Variants in SPIDR observed in about 807,000 individuals in gnomAD.
SPIDR encodes DNA repair-scaffolding protein.
A neutral mutation model predicts 104.6 loss-of-function variants in SPIDR; 93 were observed. The ratio of observed to expected loss-of-function variants is 0.89; its 90% CI spans 0.75 to 1.06. The LOEUF (loss-of-function observed/expected upper bound fraction) is 1.06. Among genes scored for constraint, SPIDR ranks in the 50% least tolerant of loss-of-function variants. The pLI is 0.00. For missense variants in SPIDR, 1,154 were observed against 1,111.2 expected (o/e 1.04, Z -0.55); for synonymous variants, 431 against 416.9 (o/e 1.03, Z -0.41).
At chr8:47,671,924 G>A (rs192548552) in intron 10 of SPIDR, among the ~76,000 whole-genome samples, 2 of 152,078 alleles carry the variant, frequency 1.3e-5, no homozygotes, top group Admixed American at 1.3e-4. Context: ...TTTCCATTTC[G>A]TTGTCTTGCT....
intron 10 of SPIDR, among the ~76,000 whole-genome samples, chr8:47,617,232 G>A (rs966767108): frequency 6.6e-6 from 1 of 152,110 alleles, no homozygotes; most frequent in African/African-American, 2.4e-5. Context: ...AGAAAATTAA[G>A]CTATTTTTAA....
chr8:47,539,728 G>A (rs1424241225), intron 8 of SPIDR, among the ~76,000 whole-genome samples: 1 of 151,438 alleles, frequency 6.6e-6, no homozygotes, highest in Non-Finnish European at 1.5e-5. Context: ...ACAATCTTAA[G>A]GTCCTTCACT....
In SPIDR at chr8:47,473,887, C is replaced by G. The variant is rs1013318419; in HGVS notation, c.1097+33345C>G. Reference sequence around the variant, plus strand: ...CATGGTTCAGTGAATCATCCTACCCCAGCTAAGATACAAATGGTTGGAAAG... The same window carrying G: ...CATGGTTCAGTGAATCATCCTACCCGAGCTAAGATACAAATGGTTGGAAAG... On this transcript the variant is annotated intron_variant, in intron 8 of 19. Transcript: ENST00000297423. 2.6e-5 allele frequency among the ~76,000 whole-genome samples: 4 copies of G among 152,188 alleles called. No individual in the cohort carries two copies. The East Asian group carries it at 7.7e-4, about 29-fold the overall frequency.
At chr8:47,590,600 G>A (rs911636010) in intron 8 of SPIDR, among the ~76,000 whole-genome samples, 1 of 151,974 alleles carries the variant, frequency 6.6e-6, no homozygotes, top group African/African-American at 2.4e-5. Context: ...CATTTTGTGG[G>A]CACCTGAAAA....
intron 8 of SPIDR, among the ~76,000 whole-genome samples, chr8:47,518,782 G>T (rs891862256): frequency 6.6e-6 from 1 of 151,976 alleles, no homozygotes; most frequent in East Asian, 1.9e-4. Context: ...AACTACAGGC[G>T]CCTGCCACCA....
chr8:47,719,868 C>T (rs1872840), intron 16 of SPIDR, among the ~76,000 whole-genome samples: 68,984 of 152,078 alleles, frequency 0.45, 18,842 homozygotes, highest in East Asian at 0.65. Context: ...CCATGCCCCC[C>T]CACACCCAGG....
intron 8 of SPIDR, among the ~76,000 whole-genome samples, chr8:47,523,527 T>C (rs2084500259): frequency 6.6e-6 from 1 of 152,170 alleles, no homozygotes; most frequent in African/African-American, 2.4e-5. Context: ...TCAGAAGTCC[T>C]TCGATGTAGC....
At chr8:47,311,487 A>G (rs782164453) in intron 5 of SPIDR, among the ~76,000 whole-genome samples, 2 of 152,154 alleles carry the variant, frequency 1.3e-5, no homozygotes, top group African/African-American at 2.4e-5. Flanking sequence ...ATAAAATAAC[A>G]CTTAAGTACA....
rs866048260 is a variant in SPIDR, at chr8:47,497,316, G to A, written c.1097+56774G>A. 2.6e-5 allele frequency among the ~76,000 whole-genome samples: 4 copies of A among 152,042 alleles called. No individual in the cohort carries two copies. The South Asian group carries it at 6.2e-4, about 24-fold the overall frequency. On this transcript the variant is annotated intron_variant, in intron 8 of 19. Coordinates refer to ENST00000297423, the MANE Select transcript of SPIDR (RefSeq NM_001080394.4). ...GAAAGTTTTTGTTGATTTGAGGTCT[G>A]TCTTTTTTAATACAGTCATTCACAA...
chr8:47,420,439 C>G (rs1451276444), intron 7 of SPIDR, among the ~76,000 whole-genome samples: 1 of 151,980 alleles, frequency 6.6e-6, no homozygotes, highest in Non-Finnish European at 1.5e-5. Context: ...GATTGCAACC[C>G]CTGCCTTTTT....
chr8:47,450,318 G>C (rs1439097536), intron 8 of SPIDR, among the ~76,000 whole-genome samples: 1 of 152,140 alleles, frequency 6.6e-6, no homozygotes, highest in Non-Finnish European at 1.5e-5. Flanking sequence ...AGCCAAACTT[G>C]CTTTTATAAC....
chr8:47,499,388 A>G (rs78389669), intron 8 of SPIDR, among the ~76,000 whole-genome samples: 4,018 of 152,240 alleles, frequency 0.026, 290 homozygotes, highest in Admixed American at 0.15. Context: ...CCTCTAAAAT[A>G]TAGTTCCACC....
chr8:47,542,906 C>T lies in SPIDR; in HGVS notation c.1098-52905C>T, dbSNP rs185450748. 1.0e-3 allele frequency among the ~76,000 whole-genome samples: 157 copies of T among 152,302 alleles called. 2 individuals are homozygous for T. The Middle Eastern group carries it at 0.024, about 23-fold the overall frequency. On this transcript the variant is annotated intron_variant, in intron 8 of 19. Coordinates refer to ENST00000297423, the MANE Select transcript of SPIDR (RefSeq NM_001080394.4). ...TCTACTTTATGTTCTTATTATTTTG[C>T]ATTTCAATAATGCTATGGAAATGGA...
chr8:47,326,167 GTATT>G (rs1171302610), intron 5 of SPIDR, among the ~76,000 whole-genome samples: 1 of 152,080 alleles, frequency 6.6e-6, no homozygotes, highest in East Asian at 1.9e-4. Context: ...GCTCGTTTCT[GTATT>G]TATTTATTTA....
chr8:47,705,070 G>C (rs1303744621), intron 14 of SPIDR, among the ~76,000 whole-genome samples: 1 of 152,176 alleles, frequency 6.6e-6, no homozygotes, highest in African/African-American at 2.4e-5. Flanking sequence ...CGTGGCAGTT[G>C]CAGCTAACAC....
intron 11 of SPIDR, among the ~76,000 whole-genome samples, chr8:47,681,119 G>A (rs1288851431): frequency 6.6e-6 from 1 of 152,264 alleles, no homozygotes; most frequent in Non-Finnish European, 1.5e-5. Context: ...ACTGCTCAGA[G>A]CAGCAACAGT....
chr8:47,271,124 G>T (rs2035228206), intron 1 of SPIDR, among the ~76,000 whole-genome samples: 2 of 152,084 alleles, frequency 1.3e-5, no homozygotes, highest in Admixed American at 6.6e-5. Context: ...TTTTGTACAT[G>T]ACGTATATTT....
At chr8:47,306,252 G>T (rs2154251358) in intron 5 of SPIDR, among the ~76,000 whole-genome samples, 1 of 152,002 alleles carries the variant, frequency 6.6e-6, no homozygotes, top group Non-Finnish European at 1.5e-5. Flanking sequence ...AGTGATTGTT[G>T]TGCCTTGGCC....
chr8:47,278,196 G>A lies in SPIDR; in HGVS notation c.34-1666G>A, dbSNP rs890546366. 1.2e-4 allele frequency among the ~76,000 whole-genome samples: 18 copies of A among 150,092 alleles called. No homozygotes were observed. In the East Asian group the frequency reaches 3.5e-3, roughly 29 times the overall value. ...GTTTTTGGAGATAGGATCTCACTCT[G>A]CCACTGAGGCTGGAATTCAGTGGCA... On this transcript the variant is annotated intron_variant, in intron 1 of 19. Coordinates refer to ENST00000297423, the MANE Select transcript of SPIDR (RefSeq NM_001080394.4).
Sources: gnomAD v4.1 joint callset for allele counts (sites outside exome capture counted in the v4.1 genomes callset) on GRCh38, gnomAD v4.1.1 for gene constraint, MANE v1.5 for transcripts, NCBI Gene and HGNC (gene_info 2026-07-23, HGNC 2026-07-21) for gene names.